The following PRKCA variants were observed in gnomAD, a reference collection of about 807,000 sequenced individuals.
PRKCA encodes protein kinase C alpha.
A neutral mutation model predicts 87.0 loss-of-function variants in PRKCA; 27 were observed. The observed-to-expected ratio is 0.31, with a 90% CI of 0.23 to 0.43. PRKCA has a LOEUF of 0.43. PRKCA is among the 20% of genes least tolerant of loss of function. PRKCA has a pLI of 1.00. For missense variants in PRKCA, 518 were observed against 852.3 expected (o/e 0.61, Z 4.88); for synonymous variants, 329 against 311.1 (o/e 1.06, Z -0.61).
chr17:66,566,896 T>G (rs909093696), intron 3 of PRKCA, among the ~76,000 whole-genome samples: 1 of 152,050 alleles, frequency 6.6e-6, no homozygotes, highest in African/African-American at 2.4e-5. Context: ...CCCAGGGACT[T>G]TGAGAGGAGC....
intron 2 of PRKCA, among the ~76,000 whole-genome samples, chr17:66,489,549 A>C (rs1208679870): frequency 6.6e-6 from 1 of 151,646 alleles, no homozygotes; most frequent in Non-Finnish European, 1.5e-5. Context: ...ATTATTGACA[A>C]CTATGTGCTC....
chr17:66,494,650 C>T (rs1916387729), intron 2 of PRKCA, among the ~76,000 whole-genome samples: 1 of 152,188 alleles, frequency 6.6e-6, no homozygotes, highest in South Asian at 2.1e-4. Flanking sequence ...TATGACTAAC[C>T]TAGTATTCCT....
intron 3 of PRKCA, among the ~76,000 whole-genome samples, chr17:66,587,895 GTATATATATATATA>G (rs71160580): frequency 0.22 from 18,452 of 85,396 alleles, 3,177 homozygotes; most frequent in Middle Eastern, 0.26. Context: ...GTGTGTGTGT[GTATATATATATATA>G]TATATATATA....
chr17:66,402,478 A>G (rs1172761472), intron 2 of PRKCA, among the ~76,000 whole-genome samples: 4 of 149,480 alleles, frequency 2.7e-5, no homozygotes, highest in African/African-American at 9.9e-5. Context: ...GCAAGGGAAG[A>G]GGTTGTTGAT....
Position 66,716,491 on chromosome 17 carries a change from T to C in PRKCA, c.919-16197T>C, listed in dbSNP as rs1182776983. On this transcript the variant is annotated intron_variant, in intron 8 of 16. Transcript: ENST00000413366. ...AAACATTGTTGCAGATGGAAAAACT[T>C]AAGGTCATTGGTGGGGAATCCTCAT... 3.9e-5 allele frequency among the ~76,000 whole-genome samples: 6 copies of C among 152,050 alleles called. No individual in the cohort carries two copies. In the South Asian group the frequency reaches 6.3e-4, roughly 16 times the overall value.
At chr17:66,594,518 C>G (rs1969913659) in intron 3 of PRKCA, among the ~76,000 whole-genome samples, 1 of 152,154 alleles carries the variant, frequency 6.6e-6, no homozygotes. Flanking sequence ...AGGGCAAACT[C>G]AGGCACTCTA....
intron 8 of PRKCA, among the ~76,000 whole-genome samples, chr17:66,702,460 C>T (rs1349085916): frequency 6.6e-6 from 1 of 152,114 alleles, no homozygotes; most frequent in Non-Finnish European, 1.5e-5. Context: ...TGGTTAAATA[C>T]AAACTTTCAG....
intron 2 of PRKCA, among the ~76,000 whole-genome samples, chr17:66,462,444 A>G (rs1229341289): frequency 6.6e-6 from 1 of 152,228 alleles, no homozygotes. Context: ...CCCATGTAGC[A>G]GTTCCATTTT....
At chr17:66,390,915 A>C (rs947240403) in intron 2 of PRKCA, among the ~76,000 whole-genome samples, 6 of 54,840 alleles carry the variant, frequency 1.1e-4, no homozygotes, top group Non-Finnish European at 2.0e-4. Flanking sequence ...GAAGCAAAGG[A>C]ACCAAGTAGC....
chr17:66,800,583 T>C (rs2144432934), intron 16 of PRKCA, among the ~76,000 whole-genome samples: 1 of 152,344 alleles, frequency 6.6e-6, no homozygotes, highest in Admixed American at 6.5e-5. Flanking sequence ...TTGGGAAATC[T>C]CCTTTTAGTT....
chr17:66,572,924 A>G (rs192992989), intron 3 of PRKCA, among the ~76,000 whole-genome samples: 1 of 152,314 alleles, frequency 6.6e-6, no homozygotes, highest in Admixed American at 6.5e-5. Context: ...TAATTCAGTG[A>G]TAAGGGAGCT....
At chr17:66,767,074 T>C (rs1260663156) in intron 13 of PRKCA, among the ~76,000 whole-genome samples, 1 of 152,202 alleles carries the variant, frequency 6.6e-6, no homozygotes, top group Non-Finnish European at 1.5e-5. Flanking sequence ...AATTATATCT[T>C]TAAAATAAAT....
At chr17:66,324,198 A>G (rs1354092743) in intron 2 of PRKCA, among the ~76,000 whole-genome samples, 1 of 152,130 alleles carries the variant, frequency 6.6e-6, no homozygotes, top group Non-Finnish European at 1.5e-5. Flanking sequence ...ATAAACATTG[A>G]TATGGAGAAA....
At chr17:66,488,544 C>A (rs1397879561) in intron 2 of PRKCA, among the ~76,000 whole-genome samples, 1 of 152,184 alleles carries the variant, frequency 6.6e-6, no homozygotes. Context: ...ATCCCACATT[C>A]AATCTCAGCC....
chr17:66,762,970 T>A (rs1479969407), intron 13 of PRKCA, among the ~76,000 whole-genome samples: 1 of 152,180 alleles, frequency 6.6e-6, no homozygotes, highest in African/African-American at 2.4e-5. Flanking sequence ...TTTGTATTTT[T>A]AGTAGAGACA....
At chr17:66,620,761 C>T (rs1477915134) in intron 3 of PRKCA, among the ~76,000 whole-genome samples, 1 of 152,204 alleles carries the variant, frequency 6.6e-6, no homozygotes, top group East Asian at 1.9e-4. Flanking sequence ...AGAAAGTGTA[C>T]ATTGACTGTA....
At chr17:66,768,338 C>T (rs768260989) in intron 13 of PRKCA, among the ~76,000 whole-genome samples, 3 of 151,482 alleles carry the variant, frequency 2.0e-5, no homozygotes, top group African/African-American at 2.4e-5. Flanking sequence ...CCTCTTGCCT[C>T]GGCCTCCCGA....
chr17:66,390,771 C>A (rs896769661), intron 2 of PRKCA, among the ~76,000 whole-genome samples: 2 of 152,158 alleles, frequency 1.3e-5, no homozygotes, highest in Admixed American at 1.3e-4. Flanking sequence ...GCAAAGCCAT[C>A]GGAAGAGAAT....
intron 2 of PRKCA, among the ~76,000 whole-genome samples, chr17:66,457,269 C>T (rs1914614657): frequency 6.6e-6 from 1 of 152,004 alleles, no homozygotes; most frequent in Non-Finnish European, 1.5e-5. Context: ...GCATGTTTTA[C>T]CTCTACTGAA....
Sources: gnomAD v4.1 joint callset for allele counts (sites outside exome capture counted in the v4.1 genomes callset) on GRCh38, gnomAD v4.1.1 for gene constraint, MANE v1.5 for transcripts, NCBI Gene and HGNC (gene_info 2026-07-23, HGNC 2026-07-21) for gene names.